Variants in CHRM3 observed in about 807,000 individuals in gnomAD.
The protein encoded by CHRM3 is cholinergic receptor muscarinic 3.
In CHRM3, 11 loss-of-function variants were observed where a neutral mutation model predicts 41.8. The ratio of observed to expected loss-of-function variants is 0.26; its 90% CI spans 0.17 to 0.44. The LOEUF (loss-of-function observed/expected upper bound fraction) is 0.44. CHRM3 is among the 20% of genes least tolerant of loss of function. CHRM3 has a pLI of 1.00. For synonymous variants in CHRM3, 297 were observed against 301.4 expected, an observed-to-expected ratio of 0.99 and a Z score of 0.15; for missense variants, 571 against 745.4, an observed-to-expected ratio of 0.77 and a Z score of 2.72.
intron 1 of CHRM3, among the ~76,000 whole-genome samples, chr1:239,464,987 GTC>G (rs1387099123): frequency 1.3e-5 from 2 of 152,076 alleles, no homozygotes; most frequent in Non-Finnish European, 2.9e-5. Context: ...ATGAGCCAAA[GTC>G]TCTCCATGGA....
intron 6 of CHRM3, among the ~76,000 whole-genome samples, chr1:239,860,641 G>A (rs1217503135): frequency 6.6e-6 from 1 of 152,148 alleles, no homozygotes; most frequent in Non-Finnish European, 1.5e-5. Flanking sequence ...TTCATGCAGT[G>A]TTTTAAATAA....
In CHRM3 at chr1:239,446,094, A is replaced by T. The variant is rs536366809; in HGVS notation, c.-520-46615A>T. Among the ~76,000 whole-genome samples the T allele has an allele frequency of 2.8e-3, 423 of 152,058 alleles. 3 individuals carry two copies. The highest frequency in any genetic ancestry group is 9.9e-3 in the African/African-American group (410 of 41,502). On this transcript the variant is annotated intron_variant, in intron 1 of 6. Coordinates refer to ENST00000676153, the MANE Select transcript of CHRM3 (RefSeq NM_001375978.1). ...TGGAACTACAGGTGTGCACCACCAC[A>T]CCCGGCTAATTTTTGTATTTTTAGT...
At chr1:239,630,623 C>T (rs1008324584) in intron 3 of CHRM3, among the ~76,000 whole-genome samples, 1 of 152,188 alleles carries the variant, frequency 6.6e-6, no homozygotes, top group African/African-American at 2.4e-5. Flanking sequence ...GACTTACCCT[C>T]ATTTCCTATA....
chr1:239,636,490 CG>C (rs1294231237), intron 4 of CHRM3, among the ~76,000 whole-genome samples: 5 of 152,198 alleles, frequency 3.3e-5, no homozygotes, highest in African/African-American at 1.2e-4. Context: ...ACTAGAAAAA[CG>C]TCTTATCTGT....
chr1:239,881,282 CAAAAAAAAAAA>C (rs71567253), intron 6 of CHRM3, among the ~76,000 whole-genome samples: 8 of 33,990 alleles, frequency 2.4e-4, no homozygotes, highest in African/African-American at 6.5e-4. Context: ...GACTCCGTCT[CAAAAAAAAAAA>C]AAAAAAAAAA....
intron 6 of CHRM3, among the ~76,000 whole-genome samples, chr1:239,891,484 G>T (rs190220799): frequency 6.5e-4 from 99 of 152,228 alleles, no homozygotes; most frequent in African/African-American, 2.3e-3. Context: ...CATTCTGACA[G>T]GCTAAGAAGC....
intron 3 of CHRM3, among the ~76,000 whole-genome samples, chr1:239,627,061 G>A (rs1669044726): frequency 7.4e-6 from 1 of 135,110 alleles, no homozygotes; most frequent in Admixed American, 7.6e-5. Flanking sequence ...TATCCTTGTT[G>A]ACTTTCTGTC....
chr1:239,693,429 G>A (rs1659896015), intron 5 of CHRM3, among the ~76,000 whole-genome samples: 1 of 152,106 alleles, frequency 6.6e-6, no homozygotes, highest in African/African-American at 2.4e-5. Flanking sequence ...AAGGAAGAGA[G>A]CCCTAACCAG....
At chr1:239,698,499 T>C (rs1214920368) in intron 5 of CHRM3, among the ~76,000 whole-genome samples, 2 of 152,162 alleles carry the variant, frequency 1.3e-5, no homozygotes, top group African/African-American at 4.8e-5. Context: ...CTACAAAGAG[T>C]GAAAGTGAAT....
chr1:239,816,732 C>T lies in CHRM3; in HGVS notation c.-146-10520C>T, dbSNP rs868014666. The stretch of plus-strand genomic sequence containing the variant: ...ATATCCAGCCTGTCTGTGCCTCAGT[C>T]TTTTTTTTTTTTTTTTTGAGAGGGA... On this transcript the variant is annotated intron_variant, in intron 5 of 6. Transcript: ENST00000676153. Among the ~76,000 whole-genome samples the T allele has an allele frequency of 2.7e-4, 35 of 131,532 alleles. 1 individual carries two copies. The highest frequency in any genetic ancestry group is 2.2e-4 in the East Asian group (1 of 4,484). 86.3% of individuals were successfully genotyped at this position (131,532 alleles called of 152,430 possible).
intron 6 of CHRM3, among the ~76,000 whole-genome samples, chr1:239,889,090 A>C (rs1253303096): frequency 6.6e-6 from 1 of 152,204 alleles, no homozygotes; most frequent in Non-Finnish European, 1.5e-5. Flanking sequence ...GAAGTTTAAC[A>C]GGCGTAAGAA....
intron 5 of CHRM3, among the ~76,000 whole-genome samples, chr1:239,806,624 AGGCAGGGCTTCCTCTT>A (rs1670675782): frequency 6.6e-6 from 1 of 152,222 alleles, no homozygotes; most frequent in African/African-American, 2.4e-5. Context: ...TGAGCCATAC[AGGCAGGGCTTCCTCTT>A]GGAGACGAAA....
At chr1:239,673,538 T>G (rs1657627157) in intron 4 of CHRM3, among the ~76,000 whole-genome samples, 1 of 152,186 alleles carries the variant, frequency 6.6e-6, no homozygotes, top group Non-Finnish European at 1.5e-5. Context: ...GCTTTTTATT[T>G]CTGTGTCTAT....
chr1:239,445,942 CTT>C (rs201130618), intron 1 of CHRM3, among the ~76,000 whole-genome samples: 17 of 146,636 alleles, frequency 1.2e-4, no homozygotes, highest in African/African-American at 2.3e-4. Context: ...ATGGTGTGCA[CTT>C]TTTTTTTTTT....
rs1038481059 is a variant in CHRM3, at chr1:239,577,300, G to A, written c.-313+31551G>A. Among the ~76,000 whole-genome samples the A allele has an allele frequency of 6.6e-5, 10 of 151,218 alleles. No individual in the cohort carries two copies. The South Asian group carries it at 1.3e-3, about 19-fold the overall frequency. On this transcript the variant is annotated intron_variant, in intron 3 of 6. Transcript: ENST00000676153. ...TTATTCACTGATAAGGTTATGTTAT[G>A]ACACATATCCTTTTAATTTTTTTAA...
chr1:239,743,673 A>C (rs1665059653), intron 5 of CHRM3, among the ~76,000 whole-genome samples: 1 of 152,110 alleles, frequency 6.6e-6, no homozygotes, highest in South Asian at 2.1e-4. Flanking sequence ...GCCCAGATCC[A>C]AACCAAACCA....
At chr1:239,700,782 A>G in intron 5 of CHRM3, among the ~76,000 whole-genome samples, 1 of 152,120 alleles carries the variant, frequency 6.6e-6, no homozygotes, top group East Asian at 1.9e-4. Flanking sequence ...TTCTTACTTA[A>G]GAAGTGTTTC....
chr1:239,886,359 T>G (rs911039784), intron 6 of CHRM3: 1 of 152,162 alleles, frequency 6.6e-6, no homozygotes, highest in African/African-American at 2.4e-5. Context: ...CACTGAGGGT[T>G]TCCAACCCTG....
intron 5 of CHRM3, among the ~76,000 whole-genome samples, chr1:239,697,786 A>G (rs1260842292): frequency 1.3e-5 from 2 of 152,194 alleles, no homozygotes; most frequent in Non-Finnish European, 2.9e-5. Flanking sequence ...ATTGCCTCCC[A>G]TAGTATTTGG....
Sources: gnomAD v4.1 joint callset for allele counts (sites outside exome capture counted in the v4.1 genomes callset) on GRCh38, gnomAD v4.1.1 for gene constraint, MANE v1.5 for transcripts, NCBI Gene and HGNC (gene_info 2026-07-23, HGNC 2026-07-21) for gene names.